C19orf47: variants seen among roughly 807,000 people sequenced by gnomAD.
The protein encoded by C19orf47 is chromosome 19 open reading frame 47.
Under a neutral mutation model 32.3 loss-of-function variants are expected in C19orf47, and 18 were observed. That is an observed-to-expected ratio of 0.56 (90% CI 0.39 to 0.83). The LOEUF (loss-of-function observed/expected upper bound fraction) is 0.83. Among genes scored for constraint, C19orf47 ranks in the 40% least tolerant of loss-of-function variants. The probability of loss-of-function intolerance (pLI) is 0.00; values close to 1 mark genes in which losing one functional copy is unlikely to be tolerated. For missense variants in C19orf47, 484 were observed against 531.6 expected (o/e 0.91, Z 0.88); for synonymous variants, 202 against 211.1 (o/e 0.96, Z 0.37).
intron 2 of C19orf47, among the ~76,000 whole-genome samples, chr19:40,338,256 T>C (rs1481017111): frequency 2.8e-5 from 3 of 105,534 alleles, no homozygotes; most frequent in African/African-American, 9.4e-5. Context: ...TGTATATATA[T>C]ACATATATAT....
chr19:40,340,196 C>A lies in C19orf47; in HGVS notation c.19+1643G>T, dbSNP rs1412669553. Reference sequence around the variant, plus strand: ...TATAATGTACATGCAAAAAAGTGCACAAGTCAATAGATCTTCCTAAACCAG... The same window carrying A: ...TATAATGTACATGCAAAAAAGTGCAAAAGTCAATAGATCTTCCTAAACCAG... On this transcript the variant is annotated intron_variant, in intron 2 of 8. Transcript: ENST00000683109. Among the ~76,000 whole-genome samples the A allele has an allele frequency of 3.3e-5, 5 of 151,432 alleles. No individual in the cohort carries two copies. The South Asian group carries it at 1.0e-3, about 32-fold the overall frequency.
chr19:40,310,382 G>T, the C19orf47 span, among the ~76,000 whole-genome samples: 1 of 152,192 alleles, frequency 6.6e-6, no homozygotes, highest in Admixed American at 6.5e-5. Context: ...AGGTTCAAGC[G>T]ATTCTCGTGC....
the C19orf47 span, among the ~76,000 whole-genome samples, chr19:40,295,192 T>C: frequency 5.9e-5 from 9 of 152,126 alleles, no homozygotes; most frequent in East Asian, 1.7e-3. Flanking sequence ...CAGCTAATTT[T>C]TGTATTTTTA....
rs2145498892 is a variant in C19orf47, at chr19:40,320,093, C to T, written c.*1789G>A. ...CCCAACTTCCAACCCATCAGCACAT[C>T]CCACAGCTCTTCCTCCAAAGCACAC... is the stretch of plus-strand genomic sequence containing the variant. On this transcript the variant is annotated 3_prime_UTR_variant, in exon 9 of 9. Coordinates refer to ENST00000683109, the MANE Select transcript of C19orf47 (RefSeq NM_001256441.2). 1 of 154,634 alleles carries T rather than the reference C, an allele frequency of 6.5e-6. No homozygotes were observed. Among genetic ancestry groups the T allele is most frequent in the East Asian group, 1.9e-4 (1 of 5,204 alleles). 9.6% of individuals were successfully genotyped at this position (154,634 alleles called of 1,614,324 possible). A position where few individuals can be genotyped will look rare whatever the true frequency, so the allele number is the denominator to read the frequency against.
intron 1 of C19orf47, among the ~76,000 whole-genome samples, chr19:40,347,214 C>T (rs964985623): frequency 1.3e-5 from 2 of 152,024 alleles, no homozygotes; most frequent in Non-Finnish European, 2.9e-5. Context: ...CTCTCATGGC[C>T]AGCAATGCTA....
At chr19:40,330,808 G>GC (rs2077937313) in intron 5 of C19orf47, among the ~76,000 whole-genome samples, 1 of 152,168 alleles carries the variant, frequency 6.6e-6, no homozygotes, top group Non-Finnish European at 1.5e-5. Context: ...AAAGGCATGG[G>GC]CCACCATACC....
At chr19:40,339,565 T>C (rs1476712777) in intron 2 of C19orf47, among the ~76,000 whole-genome samples, 1 of 152,180 alleles carries the variant, frequency 6.6e-6, no homozygotes, top group African/African-American at 2.4e-5. Flanking sequence ...TTAGACATTA[T>C]GTTGAGCAAA....
At chr19:40,317,881 G>A (rs1250326757), downstream of C19orf47, among the ~76,000 whole-genome samples, 1 of 152,034 alleles carries the variant, frequency 6.6e-6, no homozygotes, top group Non-Finnish European at 1.5e-5. Flanking sequence ...CAACACACCG[G>A]CCAATTTTTG....
In C19orf47 at chr19:40,322,142, G is replaced by A. The variant is rs768939842; in HGVS notation, c.898C>T (p.Arg300Trp). The change falls in exon 9 of 9, where the codon CGG becomes TGG. Residue 300 changes from arginine to tryptophan, a missense_variant. Arg to Trp is a moderately radical substitution (Grantham distance 101). Around this residue, in one of 3 missense-constraint regions of C19orf47, gnomAD observed 376 missense variants for 370.2 expected, o/e 1.02. Coordinates refer to ENST00000683109, the MANE Select transcript of C19orf47 (RefSeq NM_001256441.2). The part of the protein sequence containing the change: ...PTLRRLALSS[R>W]SGLERKPESL... ...TCCGGCTTCCTCTCAAGCCCAGACC[G>A]TGAGGAAAGCGCCAGGCGCCGCAGT... The A allele has an allele frequency of 5.9e-5, 95 of 1,613,780 alleles. 1 individual carries two copies. The highest frequency in any genetic ancestry group is 1.3e-4 in the South Asian group (12 of 91,088).
intron 1 of C19orf47, chr19:40,343,794 A>ATTT: frequency 6.8e-6 from 1 of 146,600 alleles, no homozygotes; most frequent in Non-Finnish European, 1.5e-5. Context: ...GCTTCTGCTC[A>ATTT]ATTTTTTTTT....
rs986940414 is a variant in C19orf47 at position 40,345,774 on chromosome 19, G to C, written c.-34+2550C>G. ...GGAGAATCGCTTCAACCCGGGGCGG[G>C]GGGGGGAGAGGTTGCAGTGAGCCAA... On this transcript the variant is annotated intron_variant, in intron 1 of 8. Coordinates refer to ENST00000683109, the MANE Select transcript of C19orf47 (RefSeq NM_001256441.2). Among the ~76,000 whole-genome samples, 463 of 150,600 alleles carry C rather than the reference G, an allele frequency of 3.1e-3. 2 individuals carry two copies. The highest frequency in any genetic ancestry group is 4.6e-3 in the Non-Finnish European group (311 of 67,580).
chr19:40,336,799 T>C (rs1003703589), intron 2 of C19orf47, among the ~76,000 whole-genome samples: 5 of 152,136 alleles, frequency 3.3e-5, no homozygotes, highest in African/African-American at 1.2e-4. Context: ...CTGGGTTCTC[T>C]GCCCTAGTCC....
chr19:40,309,190 T>C, the C19orf47 span, among the ~76,000 whole-genome samples: 2 of 149,786 alleles, frequency 1.3e-5, no homozygotes, highest in African/African-American at 5.0e-5. Flanking sequence ...TATTTCTCTC[T>C]CTCTTTTTTT....
the C19orf47 span, among the ~76,000 whole-genome samples, chr19:40,304,629 C>T: frequency 6.6e-6 from 1 of 152,168 alleles, no homozygotes; most frequent in Non-Finnish European, 1.5e-5. Flanking sequence ...TTTTCTGTAG[C>T]TCAGGATGCT....
At chr19:40,335,593 C>T (rs2078046223) in intron 4 of C19orf47, among the ~76,000 whole-genome samples, 1 of 151,746 alleles carries the variant, frequency 6.6e-6, no homozygotes, top group Admixed American at 6.6e-5. Context: ...AAAATATATA[C>T]AACCACCATT....
chr19:40,324,004 A>G lies in C19orf47; in HGVS notation c.663+2T>C, dbSNP rs1180144635. Reference sequence around the variant, plus strand: ...CAGAATCGCTCCCCCATCCCCACTCACTTTACTCCCTGTCGTGGTGTCTGC... The same window carrying G: ...CAGAATCGCTCCCCCATCCCCACTCGCTTTACTCCCTGTCGTGGTGTCTGC... On this transcript the variant is annotated splice_donor_variant, in intron 8 of 8. Coordinates refer to ENST00000683109, the MANE Select transcript of C19orf47 (RefSeq NM_001256441.2). LOFTEE classifies it high-confidence loss of function. 6.2e-7 allele frequency: 1 copy of G among 1,614,038 alleles called. No individual in the cohort carries two copies. The highest frequency in any genetic ancestry group is 1.3e-5 in the African/African-American group (1 of 74,908).
the C19orf47 span, among the ~76,000 whole-genome samples, chr19:40,301,465 C>G: frequency 4.6e-5 from 7 of 150,882 alleles, no homozygotes; most frequent in African/African-American, 1.7e-4. Context: ...CCTCAGCCTC[C>G]CGAGTAGCTG....
At chr19:40,310,310 G>A in the C19orf47 span, among the ~76,000 whole-genome samples, 15 of 152,300 alleles carry the variant, frequency 9.8e-5, no homozygotes, top group African/African-American at 3.4e-4. Context: ...GCTGAGGCTG[G>A]AGGATCACTT....
In C19orf47 at chr19:40,348,342, G is replaced by T. The variant is rs2078373796; in HGVS notation, c.-52C>A. 2.2e-6 allele frequency: 3 copies of T among 1,338,698 alleles called. No homozygotes were observed. The highest frequency in any genetic ancestry group is 3.1e-5 in the African/African-American group (2 of 65,090). The allele number at this position is 1,338,698 out of a possible 1,614,324, so 82.9% of individuals were successfully genotyped here. The stretch of plus-strand genomic sequence containing the variant: ...GCCTCACCTGGCCCACCGGGCCCGC[G>T]CCCACTCGCGCCGCCCGCCCTCCCT... On this transcript the variant is annotated 5_prime_UTR_variant, in exon 1 of 9. Coordinates refer to ENST00000683109, the MANE Select transcript of C19orf47 (RefSeq NM_001256441.2).
Sources: allele counts gnomAD v4.1 joint callset (sites outside exome capture counted in the v4.1 genomes callset), GRCh38; gene constraint gnomAD v4.1.1; regional missense constraint gnomAD v4.1.1; transcripts MANE v1.5; gene names NCBI Gene and HGNC (gene_info 2026-07-23, HGNC 2026-07-21).